The following DENND4B variants were observed in gnomAD, a reference collection of about 807,000 sequenced individuals.
DENND4B encodes DENN domain-containing protein 4B.
In DENND4B, 67 loss-of-function variants were observed where a neutral mutation model predicts 161.0. The ratio of observed to expected loss-of-function variants is 0.42; its 90% confidence interval spans 0.34 to 0.51. DENND4B has a LOEUF of 0.51. Ranked by LOEUF, DENND4B falls within the 20% of genes least tolerant of loss-of-function variation. The pLI, the probability that DENND4B is intolerant of heterozygous loss-of-function variation, is 0.08. For missense variants in DENND4B, 1,481 were observed against 1,968.0 expected (o/e 0.75, Z 4.68); for synonymous variants, 753 against 813.8 (o/e 0.93, Z 1.27).
At position 153,930,168 on chromosome 1, in the gene DENND4B, G is replaced by A; in HGVS notation, c.*129C>T. ...ATCCCTCTTCCTGTTGTCCTCGCTT[G>A]GAGCCTTTGACTGGGCATCCTTCCC... On this transcript the variant is annotated 3_prime_UTR_variant, in exon 28 of 28. Transcript: ENST00000361217. The surrounding 1 kb of genome is among the most constrained non-coding windows in gnomAD (Gnocchi z 4.7). 8.0e-7 allele frequency: 1 copy of A among 1,252,794 alleles called. No homozygotes were observed. The highest frequency in any genetic ancestry group is 1.5e-5 in the African/African-American group (1 of 66,100). The allele number at this position is 1,252,794 out of a possible 1,614,324, so 77.6% of individuals were successfully genotyped here.
chr1:153,943,173 G>C (rs760915616), intron 2 of DENND4B, 43 bp from the exon 3 acceptor site: 9 of 1,576,070 alleles, frequency 5.7e-6, no homozygotes, highest in Non-Finnish European at 7.8e-6. Flanking sequence ...GGTCAGGGTA[G>C]AGGACAAAGA....
Position 153,945,194 on chromosome 1 carries a change from G to A in DENND4B, c.-23-797C>T, listed in dbSNP as rs1205231300. On this transcript the variant is annotated intron_variant, in intron 1 of 27. Transcript: ENST00000361217. ...CCCAAGGGTCCTGAGGCGCCCCAGG[G>A]TGCAGAAGCTGGGAAAAAGCCTGGT... is the stretch of plus-strand genomic sequence containing the variant. The A allele has an allele frequency of 1.2e-5, 15 of 1,288,154 alleles. No individual in the cohort carries two copies. The East Asian group carries it at 1.7e-4, about 14-fold the overall frequency. 79.8% of individuals were successfully genotyped at this position (1,288,154 alleles called of 1,614,324 possible). A position where few individuals can be genotyped will look rare whatever the true frequency, so the allele number is the denominator to read the frequency against.
Position 153,933,554 on chromosome 1 carries a change from G to A in DENND4B, c.3259C>T (p.Pro1087Ser). Residue 1087 changes from proline to serine, a missense_variant, in exon 20 of 28, where the codon CCC becomes TCC. By Grantham distance (74) the Pro-to-Ser change is moderately conservative (BLOSUM62 -1). Coordinates refer to ENST00000361217, the MANE Select transcript of DENND4B (RefSeq NM_014856.3). This position sits in a 1 kb window ranked among gnomAD's most constrained non-coding sequence, Gnocchi z 5.7. ...TCCATGGGGCTGCGGCGGGCTGGGG[G>A]TGGCAGGTCAGGAGGCAGCTCAGGT... The part of the protein sequence containing the change: ...PPPELPPDLP[P>S]PARRSPMDSL... 1 of 1,550,686 alleles carries A rather than the reference G, an allele frequency of 6.4e-7. No homozygotes were observed. Among genetic ancestry groups the A allele is most frequent in the Non-Finnish European group, 8.7e-7 (1 of 1,150,842 alleles).
intron 13 of DENND4B, among the ~76,000 whole-genome samples, chr1:153,938,668 C>G (rs1679491398): frequency 6.7e-6 from 1 of 150,142 alleles, no homozygotes. Flanking sequence ...CGCCCCTGCA[C>G]TCCAGCCTGG....
rs749597750 is a variant in DENND4B, at chr1:153,938,996, C to T, written c.1869G>A (p.Leu623=). 4 of 1,612,378 alleles carry T rather than the reference C, an allele frequency of 2.5e-6. No individual in the cohort carries two copies. In the Admixed American group the frequency reaches 5.0e-5, roughly 20 times the overall value. The change falls in exon 13 of 28, where the codon CTG becomes CTA. Residue 623 remains leucine, a synonymous_variant. Coordinates refer to ENST00000361217, the MANE Select transcript of DENND4B (RefSeq NM_014856.3). ...ACTGTGAGAACATCTGTGTGTGCAG[C>T]AGCTGAGAGTAAAGTTTGTGGCTGG... ...ERSSHKLYSQ[L]LHTQMFSQFI...
At position 153,933,921 on chromosome 1, in the gene DENND4B, A is replaced by G. The variant is rs11264621; in HGVS notation, c.2942-50T>C. 830,244 of 1,581,588 alleles carry G rather than the reference A, an allele frequency of 0.52. 224,605 individuals are homozygous for G. Among genetic ancestry groups the G allele is most frequent in the East Asian group, 0.95 (42,171 of 44,614 alleles). ...AAGATGGACCCCAGCCTCTGCACCA[A>G]CTTCCCCTTTCCTGAATAAACACAA... On this transcript the variant is annotated intron_variant, in intron 19 of 27. Transcript: ENST00000361217. This position sits in a 1 kb window ranked among gnomAD's most constrained non-coding sequence, Gnocchi z 5.7.
At position 153,944,007 on chromosome 1, in the gene DENND4B, C is replaced by T; in HGVS notation, c.317+51G>A. 1.3e-6 allele frequency: 2 copies of T among 1,499,590 alleles called. No individual in the cohort carries two copies. The highest frequency in any genetic ancestry group is 1.8e-6 in the Non-Finnish European group (2 of 1,123,144). The allele number at this position is 1,499,590 out of a possible 1,614,324, so 92.9% of individuals were successfully genotyped here. ...CATAGTCCTACCTCTCCCTGTCTCA[C>T]TGGAGTCCCTCCCAGCCTCCCCTGG... On this transcript the variant is annotated intron_variant, in intron 2 of 27. Coordinates refer to ENST00000361217, the MANE Select transcript of DENND4B (RefSeq NM_014856.3). The surrounding 1 kb of genome is among the most constrained non-coding windows in gnomAD (Gnocchi z 4.8).
rs1679211007 is a variant in DENND4B at position 153,934,625 on chromosome 1, G to A, written c.2773+135C>T. 2.1e-6 allele frequency: 3 copies of A among 1,423,982 alleles called. No individual in the cohort carries two copies. The highest frequency in any genetic ancestry group is 2.8e-5 in the South Asian group (2 of 71,636). The allele number at this position is 1,423,982 out of a possible 1,614,324, so 88.2% of individuals were successfully genotyped here. A position where few individuals can be genotyped will look rare whatever the true frequency, so the allele number is the denominator to read the frequency against. On this transcript the variant is annotated intron_variant, in intron 18 of 27. Coordinates refer to ENST00000361217, the MANE Select transcript of DENND4B (RefSeq NM_014856.3). This position sits in a 1 kb window ranked among gnomAD's most constrained non-coding sequence, Gnocchi z 5.3. ...CCCAGCTAATTTTTTTATCCCTTTT[G>A]TTACCAGTCAAGTGTAATTTATCAA...
rs978146426 is a variant in DENND4B at position 153,929,556 on chromosome 1, A to C, written c.*741T>G. On this transcript the variant is annotated 3_prime_UTR_variant, in exon 28 of 28. Transcript: ENST00000361217. The stretch of plus-strand genomic sequence containing the variant: ...TACATCCAACAAAACTTCGCAGGGA[A>C]CAATCCTTATTGCACAGGTCAGGAC... 6.6e-6 allele frequency: 1 copy of C among 152,210 alleles called. No individual in the cohort carries two copies. Among genetic ancestry groups the C allele is most frequent in the African/African-American group, 2.4e-5 (1 of 41,432 alleles). The allele number at this position is 152,210 out of a possible 1,614,324, so 9.4% of individuals were successfully genotyped here.
Position 153,939,577 on chromosome 1 carries a change from G to A in DENND4B, c.1819+12C>T. 1 of 1,591,140 alleles carries A rather than the reference G, an allele frequency of 6.3e-7. No individual in the cohort carries two copies. On this transcript the variant is annotated intron_variant, in intron 12 of 27. Transcript: ENST00000361217. ...CATGATACATCTCCAAGCAGAGACAGGCCCTCTATACCCTGCAGGAAGAAA... is the reference window on the plus strand; with the variant it reads ...CATGATACATCTCCAAGCAGAGACAAGCCCTCTATACCCTGCAGGAAGAAA...
In DENND4B at chr1:153,934,334, C is replaced by T; in HGVS notation, c.2774-32G>A. The T allele has an allele frequency of 6.5e-7, 1 of 1,547,234 alleles. No homozygotes were observed. The highest frequency in any genetic ancestry group is 2.4e-5 in the East Asian group (1 of 41,924). On this transcript the variant is annotated intron_variant, in intron 18 of 27. Transcript: ENST00000361217. The surrounding 1 kb of genome is among the most constrained non-coding windows in gnomAD (Gnocchi z 5.3). ...AAGACGAGAAGGGGTTTAGAGGCGG[C>T]CAGCTAGGAACCCAGTCCCCTGTTC...
In DENND4B at chr1:153,933,175, G is replaced by GT; in HGVS notation, c.3453+21dup. 6.2e-7 allele frequency: 1 copy of GT among 1,612,664 alleles called. No homozygotes were observed. Among genetic ancestry groups the GT allele is most frequent in the South Asian group, 1.1e-5 (1 of 90,816 alleles). On this transcript the variant is annotated intron_variant, in intron 21 of 27. Coordinates refer to ENST00000361217, the MANE Select transcript of DENND4B (RefSeq NM_014856.3). The surrounding 1 kb of genome is among the most constrained non-coding windows in gnomAD (Gnocchi z 5.7). ...GTGCTATGTGTGTTCAAGCACATCT[G>GT]TGTGGGAGGGGTTATCCTCACTTCC...
chr1:153,930,090 G>C lies in DENND4B; in HGVS notation c.*207C>G. 1 of 671,074 alleles carries C rather than the reference G, an allele frequency of 1.5e-6. No individual in the cohort carries two copies. Among genetic ancestry groups the C allele is most frequent in the Non-Finnish European group, 2.5e-6 (1 of 406,174 alleles). The allele number at this position is 671,074 out of a possible 1,614,324, so 41.6% of individuals were successfully genotyped here. On this transcript the variant is annotated 3_prime_UTR_variant, in exon 28 of 28. Coordinates refer to ENST00000361217, the MANE Select transcript of DENND4B (RefSeq NM_014856.3). This position sits in a 1 kb window ranked among gnomAD's most constrained non-coding sequence, Gnocchi z 4.7. Reference sequence around the variant, plus strand: ...CCCAGATCTCCCCCAACATCAGCACGAACAAACTGGGTAGGTTGGTGATGG... The same window carrying C: ...CCCAGATCTCCCCCAACATCAGCACCAACAAACTGGGTAGGTTGGTGATGG...
At position 153,931,061 on chromosome 1, in the gene DENND4B, G is replaced by A; in HGVS notation, c.4000C>T (p.Pro1334Ser). ...GGATCAGGGGTTAGCCAAGGAGATGGGGCCTGGGGGAGCCAAGATAGTGGA... is the reference window on the plus strand; with the variant it reads ...GGATCAGGGGTTAGCCAAGGAGATGAGGCCTGGGGGAGCCAAGATAGTGGA... ...SCDGPSHSQA[P>S]SPWLTPDPAS... The change falls in exon 25 of 28, where the codon CCA (proline) becomes TCA (serine). Residue 1334 changes from proline to serine, a missense_variant. By Grantham distance (74) the Pro-to-Ser change is moderately conservative. This residue lies in a region of DENND4B where 336 missense variants were observed against 503.3 expected (regional missense o/e 0.67). Coordinates refer to ENST00000361217, the MANE Select transcript of DENND4B (RefSeq NM_014856.3). 1 of 1,608,550 alleles carries A rather than the reference G, an allele frequency of 6.2e-7. No individual in the cohort carries two copies. Among genetic ancestry groups the A allele is most frequent in the South Asian group, 1.1e-5 (1 of 89,924 alleles).
In DENND4B at chr1:153,933,753, G is replaced by A; in HGVS notation, c.3060C>T (p.Gly1020=). Residue 1020 remains glycine (G), a synonymous_variant, in exon 20 of 28, where the codon GGC becomes GGT. Coordinates refer to ENST00000361217, the MANE Select transcript of DENND4B (RefSeq NM_014856.3). This position sits in a 1 kb window ranked among gnomAD's most constrained non-coding sequence, Gnocchi z 5.7. ...ACTGGGCACTCAGGGCTGAGCCTGA[G>A]CCCCCTGGGCTGCCTCCAGGGAGCG... The part of the protein sequence containing the change: ...EEPLPGGSPG[G]SGSALSAQST... The A allele has an allele frequency of 1.2e-6, 2 of 1,604,130 alleles. No homozygotes were observed. Among genetic ancestry groups the A allele is most frequent in the Non-Finnish European group, 1.7e-6 (2 of 1,175,866 alleles).
Position 153,940,130 on chromosome 1 carries a change from C to T in DENND4B, c.1603+26G>A, listed in dbSNP as rs377467984. 5 of 1,530,898 alleles carry T rather than the reference C, an allele frequency of 3.3e-6. No individual in the cohort carries two copies. Among genetic ancestry groups the T allele is most frequent in the Non-Finnish European group, 4.4e-6 (5 of 1,139,922 alleles). 94.8% of individuals were successfully genotyped at this position (1,530,898 alleles called of 1,614,324 possible). A position where few individuals can be genotyped will look rare whatever the true frequency, so the allele number is the denominator to read the frequency against. ...GTTTGAGGGCAATGACAGTTCCCAG[C>T]CTCCCTCCCCACCCAGGCTTCTCAC... is the stretch of plus-strand genomic sequence containing the variant. On this transcript the variant is annotated intron_variant, in intron 11 of 27. Coordinates refer to ENST00000361217, the MANE Select transcript of DENND4B (RefSeq NM_014856.3). This position sits in a 1 kb window ranked among gnomAD's most constrained non-coding sequence, Gnocchi z 5.6.
Position 153,944,462 on chromosome 1 carries a change from AC to A in DENND4B, c.-23-66del. ...CTGGGGATGCCATGGCAACCAGGGT[AC>A]CCTCTTGCTCCCCTCCTCTTCCTAG... On this transcript the variant is annotated intron_variant, in intron 1 of 27. Transcript: ENST00000361217. The surrounding 1 kb of genome is among the most constrained non-coding windows in gnomAD (Gnocchi z 4.8). 1 of 1,445,418 alleles carries A rather than the reference AC, an allele frequency of 6.9e-7. No individual in the cohort carries two copies. 89.5% of individuals were successfully genotyped at this position (1,445,418 alleles called of 1,614,324 possible). A position where few individuals can be genotyped will look rare whatever the true frequency, so the allele number is the denominator to read the frequency against.
rs1239960057 is a variant in DENND4B at position 153,936,729 on chromosome 1, C to T, written c.2252G>A (p.Arg751Gln). 5 of 1,594,918 alleles carry T rather than the reference C, an allele frequency of 3.1e-6. No individual in the cohort carries two copies. The highest frequency in any genetic ancestry group is 1.7e-5 in the Admixed American group (1 of 58,478). Residue 751 changes from arginine (R) to glutamine (Q), a missense_variant, in exon 16 of 28, where the codon CGG (arginine) becomes CAG (glutamine). This residue lies in a region of DENND4B where 806 missense variants were observed against 1,134.4 expected (regional missense o/e 0.71). Coordinates refer to ENST00000361217, the MANE Select transcript of DENND4B (RefSeq NM_014856.3). This position sits in a 1 kb window ranked among gnomAD's most constrained non-coding sequence, Gnocchi z 4.1. The part of the protein sequence containing the change: ...RTKQEMKVAQ[R>Q]MAQKSAAVPE... ...CACAGCTGCTGACTTCTGTGCCATC[C>T]GCTGTGCAACTTTCATCTCCTAGGT...
rs1679573813 is a variant in DENND4B at position 153,940,005 on chromosome 1, G to T, written c.1603+151C>A. On this transcript the variant is annotated intron_variant, in intron 11 of 27. Coordinates refer to ENST00000361217, the MANE Select transcript of DENND4B (RefSeq NM_014856.3). The surrounding 1 kb of genome is among the most constrained non-coding windows in gnomAD (Gnocchi z 5.6). ...CTGTCTGCCCTTCCTTCTAGCTTCA[G>T]TTGGAATTGGAATCTCCCTCAGTTC... The T allele has an allele frequency of 2.4e-6, 2 of 840,324 alleles. No homozygotes were observed. The highest frequency in any genetic ancestry group is 1.8e-5 in the South Asian group (1 of 54,790). 52.1% of individuals were successfully genotyped at this position (840,324 alleles called of 1,614,324 possible). A position where few individuals can be genotyped will look rare whatever the true frequency, so the allele number is the denominator to read the frequency against.
Sources: gnomAD v4.1 joint callset for allele counts (sites outside exome capture counted in the v4.1 genomes callset) on GRCh38, gnomAD v4.1.1 for gene constraint, gnomAD v4.1.1 regional missense constraint, Gnocchi (gnomAD v3.1) non-coding constraint, MANE v1.5 for transcripts, NCBI Gene and HGNC (gene_info 2026-07-23, HGNC 2026-07-21) for gene names.